The following PCDHA5 variants were observed in gnomAD, a reference collection of about 807,000 sequenced individuals.
PCDHA5 encodes protocadherin alpha 5.
A neutral mutation model predicts 61.6 loss-of-function variants in PCDHA5; 43 were observed. The ratio of observed to expected loss-of-function variants is 0.70; its 90% CI spans 0.55 to 0.90. The LOEUF (loss-of-function observed/expected upper bound fraction) is 0.90. Among genes scored for constraint, PCDHA5 ranks in the 40% least tolerant of loss-of-function variants. PCDHA5 has a pLI of 0.00. For synonymous variants in PCDHA5, 627 were observed against 543.9 expected (o/e 1.15, Z -2.13); for missense variants, 1,298 against 1,222.7 (o/e 1.06, Z -0.92).
At chr5:140,927,220 A>T (rs1554204179) in intron 1 of PCDHA5, 1 of 1,614,090 alleles carries the variant, frequency 6.2e-7, no homozygotes, top group Admixed American at 1.7e-5. Flanking sequence ...GCTGCACAAG[A>T]TTCGGATTCA....
chr5:140,874,280 C>T (rs1317233709), intron 1 of PCDHA5, among the ~76,000 whole-genome samples: 3 of 152,146 alleles, frequency 2.0e-5, no homozygotes, highest in Admixed American at 6.5e-5. Flanking sequence ...AATAGACTTA[C>T]AAAATCTATG....
At chr5:140,967,268 C>T in intron 1 of PCDHA5, 1 of 1,613,522 alleles carries the variant, frequency 6.2e-7, no homozygotes, top group Non-Finnish European at 8.5e-7. Context: ...AGCGCGCTTT[C>T]ACATAGAGAG....
intron 1 of PCDHA5, chr5:140,863,519 A>G (rs1309854310): frequency 7.5e-6 from 3 of 400,164 alleles, no homozygotes; most frequent in Non-Finnish European, 1.5e-5. Context: ...GTGTTCTCCC[A>G]TGGTTCAGAT....
chr5:140,869,283 G>A, intron 1 of PCDHA5: 2 of 1,613,602 alleles, frequency 1.2e-6, no homozygotes, highest in Non-Finnish European at 1.7e-6. Flanking sequence ...CGGAGCTGGT[G>A]CAGCGCCTGT....
rs2150120962 is a variant in PCDHA5 at position 140,822,978 on chromosome 5, G to A, written c.1203G>A (p.Lys401=). The A allele has an allele frequency of 8.1e-6, 13 of 1,614,232 alleles. No individual in the cohort carries two copies. The highest frequency in any genetic ancestry group is 1.0e-5 in the Non-Finnish European group (12 of 1,180,048). ...CCTTCAAGCTGGTGTCCACCTTCAA[G>A]AATTACTACTCGTTGGTGCTGGACA... ...HVPFKLVSTF[K]NYYSLVLDSA... Residue 401 remains lysine, a synonymous_variant, in exon 1 of 4, where the codon AAG becomes AAA. Coordinates refer to ENST00000529859, the MANE Select transcript of PCDHA5 (RefSeq NM_018908.3).
intron 1 of PCDHA5, among the ~76,000 whole-genome samples, chr5:140,898,131 T>C (rs371489317): frequency 6.6e-6 from 1 of 152,156 alleles, no homozygotes; most frequent in Non-Finnish European, 1.5e-5. Context: ...TTCTCCCATT[T>C]TGTAGGTTGC....
chr5:140,850,339 C>T (rs2150480105), intron 1 of PCDHA5: 3 of 1,597,742 alleles, frequency 1.9e-6, no homozygotes, highest in East Asian at 2.2e-5. Flanking sequence ...CAGCCAGAAA[C>T]GGCCAGCGCG....
At chr5:140,899,713 T>G (rs1336302647) in intron 1 of PCDHA5, among the ~76,000 whole-genome samples, 1 of 152,210 alleles carries the variant, frequency 6.6e-6, no homozygotes, top group Non-Finnish European at 1.5e-5. Context: ...TTAGGGAGGA[T>G]TCCCTCTTTT....
intron 1 of PCDHA5, among the ~76,000 whole-genome samples, chr5:140,895,297 T>TC (rs1269688627): frequency 1.3e-5 from 2 of 152,118 alleles, no homozygotes; most frequent in African/African-American, 2.4e-5. Context: ...ACCTTCGATT[T>TC]CCCCCCTTCC....
At chr5:140,910,399 T>G (rs1461842314) in intron 1 of PCDHA5, among the ~76,000 whole-genome samples, 1 of 152,172 alleles carries the variant, frequency 6.6e-6, no homozygotes, top group East Asian at 1.9e-4. Context: ...GACTGGCCCC[T>G]GCCACCTCGA....
intron 1 of PCDHA5, among the ~76,000 whole-genome samples, chr5:140,935,686 C>T (rs943427521): frequency 3.3e-5 from 5 of 152,108 alleles, no homozygotes; most frequent in Non-Finnish European, 7.4e-5. Flanking sequence ...ATTTACATGG[C>T]TCCAAAATAA....
chr5:140,836,667 G>C, intron 1 of PCDHA5: 2 of 1,613,396 alleles, frequency 1.2e-6, no homozygotes, highest in Non-Finnish European at 1.7e-6. Context: ...GTGCTCTGGG[G>C]AGGGCCCACC....
intron 1 of PCDHA5, chr5:140,928,189 G>A (rs1563102575): frequency 2.5e-6 from 4 of 1,614,214 alleles, no homozygotes; most frequent in Non-Finnish European, 3.4e-6. Context: ...GACAATCACT[G>A]TGTCAGTTGC....
At chr5:140,843,342 A>G (rs2150357887) in intron 1 of PCDHA5, 1 of 1,596,056 alleles carries the variant, frequency 6.3e-7, no homozygotes, top group South Asian at 1.1e-5. Flanking sequence ...GAGAGCGGCC[A>G]GGCTCCAAAA....
chr5:140,995,401 G>A (rs576317630), intron 3 of PCDHA5, among the ~76,000 whole-genome samples: 7 of 152,238 alleles, frequency 4.6e-5, no homozygotes, highest in African/African-American at 1.4e-4. Context: ...GGGATGGCTC[G>A]AGATTTCATC....
chr5:140,829,249 C>T, intron 1 of PCDHA5: 4 of 1,614,262 alleles, frequency 2.5e-6, no homozygotes, highest in Non-Finnish European at 3.4e-6. Context: ...GGCAGGTGAA[C>T]TGCTCGCTGA....
intron 1 of PCDHA5, chr5:140,877,640 G>T: frequency 6.2e-7 from 1 of 1,613,622 alleles, no homozygotes. Flanking sequence ...GCGCTGCGTT[G>T]CTCAGCGCCG....
At chr5:140,980,623 T>C (rs1554242045) in intron 2 of PCDHA5, among the ~76,000 whole-genome samples, 1 of 152,102 alleles carries the variant, frequency 6.6e-6, no homozygotes, top group African/African-American at 2.4e-5. Flanking sequence ...TGCGAGACTC[T>C]GTCTCAGAAG....
At chr5:140,952,789 A>T (rs564361136) in intron 1 of PCDHA5, among the ~76,000 whole-genome samples, 1 of 152,316 alleles carries the variant, frequency 6.6e-6, no homozygotes, top group South Asian at 2.1e-4. Context: ...AAAGAGGTTT[A>T]ACTGGCTCGC....
Sources: allele counts gnomAD v4.1 joint callset (sites outside exome capture counted in the v4.1 genomes callset), GRCh38; gene constraint gnomAD v4.1.1; transcripts MANE v1.5; gene names NCBI Gene and HGNC (gene_info 2026-07-23, HGNC 2026-07-21).